Variants in SYT17 observed in about 807,000 individuals in gnomAD.
The protein encoded by SYT17 is synaptotagmin-17.
In SYT17, 22 loss-of-function variants were observed where a neutral mutation model predicts 46.7. That is an observed-to-expected ratio of 0.47 (90% CI 0.34 to 0.67). The LOEUF is 0.67. Ranked by LOEUF, SYT17 falls within the 30% of genes least tolerant of loss-of-function variation. The pLI, the probability that SYT17 is intolerant of heterozygous loss-of-function variation, is 0.01. For synonymous variants in SYT17, 251 were observed against 248.4 expected (o/e 1.01, Z -0.10); for missense variants, 519 against 612.8 (o/e 0.85, Z 1.62).
chr16:19,262,751 G>C (rs2143002691), intron 7 of SYT17, among the ~76,000 whole-genome samples: 1 of 152,324 alleles, frequency 6.6e-6, no homozygotes, highest in South Asian at 2.1e-4. Flanking sequence ...TGCAGAGGTA[G>C]CTTGCAGAGG....
intron 7 of SYT17, among the ~76,000 whole-genome samples, chr16:19,231,527 A>AT (rs2142906845): frequency 7.1e-6 from 1 of 140,228 alleles, no homozygotes; most frequent in African/African-American, 3.0e-5. Context: ...CCATCACAAA[A>AT]AAAAAAAAAA....
intron 3 of SYT17, among the ~76,000 whole-genome samples, chr16:19,176,334 G>A (rs1964312838): frequency 6.6e-6 from 1 of 152,172 alleles, no homozygotes; most frequent in Non-Finnish European, 1.5e-5. Context: ...TGGAGGAAAT[G>A]GTGCTAGAAT....
chr16:19,203,267 G>A (rs1965535002), intron 5 of SYT17, among the ~76,000 whole-genome samples: 1 of 151,684 alleles, frequency 6.6e-6, no homozygotes, highest in South Asian at 2.1e-4. Context: ...GAGGAGGCTG[G>A]ATCACTTGAG....
intron 7 of SYT17, among the ~76,000 whole-genome samples, chr16:19,242,354 C>T (rs1266243966): frequency 6.6e-6 from 1 of 152,046 alleles, no homozygotes; most frequent in Non-Finnish European, 1.5e-5. Context: ...GCATTCTAGG[C>T]AGAGGGAATT....
rs1442589721 is a variant in SYT17 at position 19,183,792 on chromosome 16, A to G, written c.596A>G (p.Asn199Ser). The change falls in exon 5 of 8, where the codon AAC (asparagine) becomes AGC (serine). Residue 199 changes from asparagine to serine, a missense_variant. Asn to Ser is a conservative substitution (Grantham distance 46). Transcript: ENST00000355377. This position sits in a 1 kb window ranked among gnomAD's most constrained non-coding sequence, Gnocchi z 5.6. ...HFSTQYDLLH[N>S]HLTVRVIEAR... The stretch of plus-strand genomic sequence containing the variant: ...AGCACTCAGTACGACCTGCTGCACA[A>G]CCACCTCACCGTGCGCGTGATCGAG... The G allele has an allele frequency of 1.2e-5, 19 of 1,614,038 alleles. No homozygotes were observed. Among genetic ancestry groups the G allele is most frequent in the Non-Finnish European group, 1.5e-5 (18 of 1,180,040 alleles).
intron 5 of SYT17, among the ~76,000 whole-genome samples, chr16:19,186,463 A>G (rs1410489966): frequency 1.3e-5 from 2 of 152,196 alleles, no homozygotes; most frequent in Non-Finnish European, 2.9e-5. Context: ...CAGCCTGGTC[A>G]ATAGAGTGAG....
At chr16:19,218,486 T>A (rs1966179555) in intron 5 of SYT17, among the ~76,000 whole-genome samples, 1 of 152,166 alleles carries the variant, frequency 6.6e-6, no homozygotes, top group South Asian at 2.1e-4. Flanking sequence ...AGCAAGCTTG[T>A]ATCTGCAAAG....
rs1457587929 is a variant in SYT17, at chr16:19,253,649, GAAAA to G, written c.1229-13230_1229-13227del. Among the ~76,000 whole-genome samples the G allele has an allele frequency of 4.2e-4, 63 of 151,750 alleles. No homozygotes were observed. In the East Asian group the frequency reaches 8.3e-3, roughly 20 times the overall value. ...AGCAAGACCCTGCTTCTTAAGAAAA[GAAAA>G]GAAAAAAGAAAAGAAAGAGAAAAAG... On this transcript the variant is annotated intron_variant, in intron 7 of 7. Transcript: ENST00000355377.
intron 7 of SYT17, among the ~76,000 whole-genome samples, chr16:19,262,909 G>T (rs1276521230): frequency 2.6e-5 from 4 of 152,282 alleles, no homozygotes; most frequent in Admixed American, 1.3e-4. Flanking sequence ...GGGCTGAGGG[G>T]TAGGCAGGGC....
At chr16:19,252,792 G>A (rs934570972) in intron 7 of SYT17, among the ~76,000 whole-genome samples, 2 of 151,522 alleles carry the variant, frequency 1.3e-5, no homozygotes, top group Admixed American at 6.6e-5. Flanking sequence ...TGGATGTTTG[G>A]GTGCCACCTC....
At chr16:19,248,606 A>T (rs1169776526) in intron 7 of SYT17, among the ~76,000 whole-genome samples, 1 of 151,988 alleles carries the variant, frequency 6.6e-6, no homozygotes, top group Non-Finnish European at 1.5e-5. Flanking sequence ...GGATCACTTG[A>T]GGTCAGGAGT....
At chr16:19,220,141 AC>A in intron 5 of SYT17, among the ~76,000 whole-genome samples, 2 of 152,058 alleles carry the variant, frequency 1.3e-5, no homozygotes, top group Admixed American at 1.3e-4. Flanking sequence ...AAATCTCCAT[AC>A]TTGGATACCC....
intron 5 of SYT17, among the ~76,000 whole-genome samples, chr16:19,189,273 T>C (rs1964916845): frequency 6.6e-6 from 1 of 151,890 alleles, no homozygotes; most frequent in African/African-American, 2.4e-5. Context: ...TAACGACATA[T>C]ACAATGACCC....
At chr16:19,180,652 T>C in intron 4 of SYT17, 113 bp downstream of exon 4, 2 of 1,321,732 alleles carry the variant, frequency 1.5e-6, no homozygotes, top group South Asian at 2.6e-5. Flanking sequence ...CAGAGTGGGA[T>C]GACAGTCCAG....
At chr16:19,172,725 C>T (rs141792068) in intron 1 of SYT17, 35 bp from the exon 2 acceptor site, 145 of 1,612,468 alleles carry the variant, frequency 9.0e-5, no homozygotes, top group Middle Eastern at 1.6e-4. Flanking sequence ...CGTTCCCTTA[C>T]GCCCTTGGCT....
At chr16:19,210,474 AT>A (rs35191202) in intron 5 of SYT17, among the ~76,000 whole-genome samples, 1,847 of 137,428 alleles carry the variant, frequency 0.013, 19 homozygotes, top group African/African-American at 0.029. Flanking sequence ...TTAAAAGGGT[AT>A]TTTTTTTTAA....
intron 7 of SYT17, among the ~76,000 whole-genome samples, chr16:19,237,144 CCAGCTGGT>C (rs1411959810): frequency 2.4e-4 from 37 of 152,192 alleles, no homozygotes; most frequent in African/African-American, 8.4e-4. Flanking sequence ...GCAAAGTCAT[CCAGCTGGT>C]GAGTGGTTGA....
At chr16:19,252,726 G>C (rs1461630269) in intron 7 of SYT17, among the ~76,000 whole-genome samples, 3 of 150,644 alleles carry the variant, frequency 2.0e-5, no homozygotes, top group African/African-American at 7.3e-5. Context: ...CTAAGCCAGT[G>C]AATCTCAAAC....
chr16:19,246,399 T>C (rs1026636753), intron 7 of SYT17, among the ~76,000 whole-genome samples: 6 of 152,302 alleles, frequency 3.9e-5, no homozygotes, highest in Middle Eastern at 3.4e-3. Flanking sequence ...ATTTGCAATA[T>C]GAATATGTAA....
Sources: gnomAD v4.1 joint callset for allele counts (sites outside exome capture counted in the v4.1 genomes callset) on GRCh38, gnomAD v4.1.1 for gene constraint, Gnocchi (gnomAD v3.1) non-coding constraint, MANE v1.5 for transcripts, NCBI Gene and HGNC (gene_info 2026-07-23, HGNC 2026-07-21) for gene names.